SPG7: variants seen among roughly 807,000 people sequenced by gnomAD.
SPG7 encodes SPG7 matrix AAA peptidase subunit, paraplegin.
In SPG7, 103 loss-of-function variants were observed where a neutral mutation model predicts 81.9. The ratio of observed to expected loss-of-function variants is 1.26; its 90% confidence interval spans 1.07 to 1.48. The LOEUF is 1.48. Ranked by LOEUF, SPG7 falls within the 40% of genes most tolerant of loss-of-function variation. The probability of loss-of-function intolerance (pLI) is 0.00; values close to 1 mark genes in which losing one functional copy is unlikely to be tolerated. For missense variants in SPG7, 1,241 were observed against 1,087.3 expected, an observed-to-expected ratio of 1.14 and a Z score of -1.99; for synonymous variants, 534 against 444.2, an observed-to-expected ratio of 1.20 and a Z score of -2.54.
intron 9 of SPG7, chr16:89,536,949 GC>G (rs1221000084): frequency 6.2e-7 from 1 of 1,614,156 alleles, no homozygotes; most frequent in South Asian, 1.1e-5. Flanking sequence ...GAGCCCAAAG[GC>G]AAGCGTATAT....
intron 10 of SPG7, 34 bp downstream of exon 10, chr16:89,544,806 C>T (rs1268464408): frequency 3.7e-6 from 6 of 1,612,900 alleles, no homozygotes; most frequent in Non-Finnish European, 4.2e-6. Flanking sequence ...TCCCACTCCA[C>T]CTGGGCCGCC....
At chr16:89,534,099 C>G (rs537270831) in intron 9 of SPG7, among the ~76,000 whole-genome samples, 1 of 152,346 alleles carries the variant, frequency 6.6e-6, no homozygotes, top group South Asian at 2.1e-4. Context: ...TGAGCAACCG[C>G]CACCACCACG....
At chr16:89,526,875 G>A (rs2058269784) in intron 5 of SPG7, 6 of 285,560 alleles carry the variant, frequency 2.1e-5, no homozygotes, top group South Asian at 3.2e-5. Context: ...GTAGGATGCC[G>A]AAGTCTCAGC....
chr16:89,508,717 GGGCCCGCGGATCCCCCAGCTGTGGA>G lies in SPG7; in HGVS notation c.183+118_183+142del, dbSNP rs2057966916. On this transcript the variant is annotated intron_variant, in intron 1 of 16. Transcript: ENST00000645818. ...CTGCGGCGGGGGAGCCTGCGCCTGT[GGGCCCGCGGATCCCCCAGCTGTGGA>G]CCTCGGCGCGGAGCGACTGTTGGGG... The G allele has an allele frequency of 2.8e-6, 3 of 1,085,302 alleles. No individual in the cohort carries two copies. In the South Asian group the frequency reaches 4.1e-5, roughly 15 times the overall value. The allele number at this position is 1,085,302 out of a possible 1,614,324, so 67.2% of individuals were successfully genotyped here. A position where few individuals can be genotyped will look rare whatever the true frequency, so the allele number is the denominator to read the frequency against.
At chr16:89,514,509 GTTTGTT>G (rs769289188) in intron 3 of SPG7, 4 of 150,854 alleles carry the variant, frequency 2.7e-5, no homozygotes, top group Non-Finnish European at 5.9e-5. Context: ...TTGTTCGTTT[GTTTGTT>G]TTTGAGACGG....
intron 3 of SPG7, chr16:89,523,055 G>C (rs1437394516): frequency 6.4e-6 from 1 of 155,336 alleles, no homozygotes; most frequent in Non-Finnish European, 1.4e-5. Flanking sequence ...GTATCCCAAT[G>C]TCTGGAGAAC....
rs372981030 is a variant in SPG7, at chr16:89,550,505, A to T, written c.1675A>T (p.Lys559Ter). 2.4e-5 allele frequency: 39 copies of T among 1,613,422 alleles called. No homozygotes were observed. The highest frequency in any genetic ancestry group is 3.3e-5 in the Non-Finnish European group (39 of 1,179,818). The change falls in exon 13 of 17, where the codon AAG (lysine) becomes TAG (stop). Residue 559 changes from lysine (K) to a stop codon, truncating the protein, a stop_gained. Transcript: ENST00000645818. LOFTEE classifies it high-confidence loss of function. ...CGGCATTCTTTCAGGGACTGCCAAA[A>T]AGAGCAAGATCCTGTCCAAGGAAGA... is the stretch of plus-strand genomic sequence containing the variant. ...VERVLAGTAKKSKILSKEEQK... is the reference protein window; with the variant it reads ...VERVLAGTAK
At chr16:89,533,611 C>T (rs1429804741) in intron 9 of SPG7, 1 of 152,220 alleles carries the variant, frequency 6.6e-6, no homozygotes, top group Non-Finnish European at 1.5e-5. Context: ...TCCCTGTGCC[C>T]CCTGGAGAGG....
chr16:89,550,670 CTG>C (rs2058625908), intron 13 of SPG7, 61 bp downstream of exon 13: 1 of 1,155,834 alleles, frequency 8.7e-7, no homozygotes, highest in African/African-American at 1.5e-5. Flanking sequence ...GGAGTCCCGC[CTG>C]TGTCTGTAGC....
chr16:89,534,383 G>A (rs2058384898), intron 9 of SPG7, among the ~76,000 whole-genome samples: 1 of 152,212 alleles, frequency 6.6e-6, no homozygotes, highest in African/African-American at 2.4e-5. Context: ...TAGGGGCTGC[G>A]TCTTGTTATT....
At chr16:89,534,424 AAT>A (rs1321977603) in intron 9 of SPG7, among the ~76,000 whole-genome samples, 1 of 152,190 alleles carries the variant, frequency 6.6e-6, no homozygotes, top group Non-Finnish European at 1.5e-5. Flanking sequence ...GACTGTGGTG[AAT>A]CAGGCTGTGT....
At chr16:89,542,895 A>G (rs1307206336) in intron 9 of SPG7, 1 of 146,952 alleles carries the variant, frequency 6.8e-6, no homozygotes, top group Non-Finnish European at 1.5e-5. Flanking sequence ...TTCTTACATT[A>G]GTCACGGTAG....
At chr16:89,529,274 G>A (rs1340295596) in intron 5 of SPG7, 1 of 620,806 alleles carries the variant, frequency 1.6e-6, no homozygotes, top group Non-Finnish European at 2.9e-6. Context: ...GACCATTTGG[G>A]AAGCTTTCAT....
At chr16:89,510,647 C>T in intron 2 of SPG7, 55 bp downstream of exon 2, 2 of 1,063,174 alleles carry the variant, frequency 1.9e-6, no homozygotes, top group Non-Finnish European at 2.9e-6. Flanking sequence ...ACCGCCTCAG[C>T]TACTTGGGAG....
intron 9 of SPG7, 27 bp downstream of exon 9, chr16:89,532,663 C>G (rs1168693799): frequency 1.2e-6 from 2 of 1,612,262 alleles, no homozygotes; most frequent in Non-Finnish European, 1.7e-6. Flanking sequence ...CCCGCACCCC[C>G]ATTGCACCAT....
At chr16:89,530,898 T>G in intron 7 of SPG7, 90 bp downstream of exon 7, 1 of 1,571,194 alleles carries the variant, frequency 6.4e-7, no homozygotes, top group Non-Finnish European at 8.7e-7. Context: ...TGGAATTCCA[T>G]CGATGACGTG....
intron 11 of SPG7, chr16:89,547,144 T>C (rs2058575041): frequency 3.8e-6 from 1 of 264,586 alleles, no homozygotes; most frequent in South Asian, 4.3e-5. Flanking sequence ...GTTGTAGAAA[T>C]AGAAATCATA....
At chr16:89,515,800 T>C (rs574936994) in intron 3 of SPG7, among the ~76,000 whole-genome samples, 2 of 151,772 alleles carry the variant, frequency 1.3e-5, no homozygotes, top group South Asian at 4.2e-4. Flanking sequence ...CTCTGCTTCC[T>C]GGGTTCAGGC....
intron 5 of SPG7, 183 bp from the exon 6 acceptor site, chr16:89,529,294 C>T: frequency 1.6e-6 from 1 of 636,460 alleles, no homozygotes; most frequent in South Asian, 1.8e-5. Context: ...TGAAAAAGCA[C>T]AGTCAGCGAG....
Sources: allele counts gnomAD v4.1 joint callset (sites outside exome capture counted in the v4.1 genomes callset), GRCh38; gene constraint gnomAD v4.1.1; transcripts MANE v1.5; gene names NCBI Gene and HGNC (gene_info 2026-07-23, HGNC 2026-07-21).